Variants in BRCA1 observed in about 807,000 individuals in gnomAD.
BRCA1 encodes BRCA1 DNA repair associated, also known as breast cancer type 1 susceptibility protein.
Under a neutral mutation model 173.7 loss-of-function variants are expected in BRCA1, and 140 were observed. The ratio of observed to expected loss-of-function variants is 0.81; its 90% CI spans 0.70 to 0.93. The LOEUF (loss-of-function observed/expected upper bound fraction) is 0.93. Among genes scored for constraint, BRCA1 ranks in the 40% least tolerant of loss-of-function variants. The pLI, the probability that BRCA1 is intolerant of heterozygous loss-of-function variation, is 0.00. For synonymous variants in BRCA1, 662 were observed against 756.0 expected, an observed-to-expected ratio of 0.88 and a Z score of 2.04; for missense variants, 1,983 against 2,172.5, an observed-to-expected ratio of 0.91 and a Z score of 1.73.
At chr17:43,051,186 T>C (rs924705615) in intron 19 of BRCA1, 69 bp from the exon 20 acceptor site, 103 of 1,421,410 alleles carry the variant, frequency 7.2e-5, no homozygotes, top group Non-Finnish European at 7.9e-6. Flanking sequence ...TAAAAGAATA[T>C]TGGCTTTTAT....
chr17:43,119,899 A>T (rs1408156217), intron 2 of BRCA1, among the ~76,000 whole-genome samples: 1 of 152,252 alleles, frequency 6.6e-6, no homozygotes, highest in East Asian at 1.9e-4. Flanking sequence ...GAAAACTCCG[A>T]TATGTAAAAA....
At chr17:43,100,818 A>G (rs1426251810) in intron 6 of BRCA1, among the ~76,000 whole-genome samples, 7 of 133,044 alleles carry the variant, frequency 5.3e-5, no homozygotes, top group Non-Finnish European at 9.7e-5. Context: ...TGCAACCTCC[A>G]CCTCCCTGGT....
intron 3 of BRCA1, among the ~76,000 whole-genome samples, chr17:43,112,027 GA>G (rs1288713932): frequency 6.6e-6 from 1 of 151,740 alleles, no homozygotes; most frequent in Non-Finnish European, 1.5e-5. Context: ...GTGTTATTCA[GA>G]TTATATTGAT....
intron 14 of BRCA1, 64 bp downstream of exon 14, chr17:43,074,267 A>G: frequency 6.3e-7 from 1 of 1,583,372 alleles, no homozygotes. Context: ...TAACCAGAAT[A>G]TCTTTATGTA....
chr17:43,102,960 T>TC (rs1467594707), intron 6 of BRCA1, among the ~76,000 whole-genome samples: 3 of 151,688 alleles, frequency 2.0e-5, no homozygotes, highest in Non-Finnish European at 4.4e-5. Flanking sequence ...TTTTTTTTTT[T>TC]TTAATTGCAG....
intron 1 of BRCA1, among the ~76,000 whole-genome samples, chr17:43,158,686 T>C (rs988078850): frequency 6.6e-6 from 1 of 152,236 alleles, no homozygotes; most frequent in Admixed American, 6.5e-5. Context: ...CAAATGTTTA[T>C]TGAGTGGCAA....
rs1275137190 is a variant in BRCA1 at position 43,115,512 on chromosome 17, A to G, written c.134+214T>C. On this transcript the variant is annotated intron_variant, in intron 3 of 22. Transcript: ENST00000357654. ...GCGAGACTTTGTCTCAAAAAAAAAAAAAAAGATAATATATGTCAAAACTTT... is the reference window on the plus strand; with the variant it reads ...GCGAGACTTTGTCTCAAAAAAAAAAGAAAAGATAATATATGTCAAAACTTT... Among the ~76,000 whole-genome samples, 3 of 152,084 alleles carry G rather than the reference A, an allele frequency of 2.0e-5. No individual in the cohort carries two copies. The East Asian group carries it at 5.8e-4, about 29-fold the overall frequency.
intron 1 of BRCA1, chr17:43,164,647 C>G (rs2056256072): frequency 6.6e-6 from 1 of 152,060 alleles, no homozygotes; most frequent in Non-Finnish European, 1.5e-5. Context: ...GGGGGTGGCA[C>G]TTTCTTGATT....
intron 20 of BRCA1, among the ~76,000 whole-genome samples, chr17:43,049,524 GAAAAA>G (rs1472497275): frequency 1.3e-5 from 2 of 152,108 alleles, no homozygotes; most frequent in African/African-American, 4.8e-5. Flanking sequence ...GACACTGTGT[GAAAAA>G]ACACCCACCT....
At chr17:43,129,831 G>C (rs1288564818), upstream of BRCA1, among the ~76,000 whole-genome samples, 1 of 152,196 alleles carries the variant, frequency 6.6e-6, no homozygotes, top group East Asian at 1.9e-4. Context: ...TTGGCAGACT[G>C]AGTCAGTCAC....
At chr17:43,169,895 G>T in intron 1 of BRCA1, 1 of 430,036 alleles carries the variant, frequency 2.3e-6, no homozygotes, top group South Asian at 1.8e-5. Flanking sequence ...CCTCTACACT[G>T]CAGATGTGGC....
At chr17:43,050,208 CA>C (rs781525069) in intron 20 of BRCA1, 2 of 397,840 alleles carry the variant, frequency 5.0e-6, no homozygotes, top group Non-Finnish European at 8.9e-6. Context: ...AAGAACAAAC[CA>C]AATTTATACA....
intron 1 of BRCA1, 180 bp downstream of exon 1, chr17:43,125,091 T>C (rs2055810996): frequency 9.0e-6 from 4 of 444,658 alleles, no homozygotes; most frequent in African/African-American, 2.1e-5. Context: ...TCCTCAGCGC[T>C]TCCCTCGCGA....
intron 7 of BRCA1, among the ~76,000 whole-genome samples, chr17:43,099,278 T>C (rs940317023): frequency 8.9e-5 from 13 of 145,916 alleles, no homozygotes; most frequent in African/African-American, 3.0e-4. Flanking sequence ...TTTGCTCTCT[T>C]TTTTTTTTTT....
intron 15 of BRCA1, among the ~76,000 whole-genome samples, chr17:43,070,080 T>C (rs1567773858): frequency 6.6e-6 from 1 of 152,086 alleles, no homozygotes. Flanking sequence ...ATTATAGGCA[T>C]GCGCCACCAC....
intron 1 of BRCA1, among the ~76,000 whole-genome samples, chr17:43,135,508 T>G (rs978550338): frequency 3.9e-5 from 6 of 152,348 alleles, no homozygotes; most frequent in Admixed American, 2.6e-4. Context: ...TATCATGTCA[T>G]AAGCCGGTGG....
intron 8 of BRCA1, among the ~76,000 whole-genome samples, chr17:43,096,660 A>G (rs1421501761): frequency 6.6e-6 from 1 of 152,094 alleles, no homozygotes; most frequent in Non-Finnish European, 1.5e-5. Flanking sequence ...TTATTATATA[A>G]CATACAGACA....
intron 2 of BRCA1, among the ~76,000 whole-genome samples, chr17:43,120,897 T>G (rs918374026): frequency 6.6e-6 from 1 of 150,648 alleles, no homozygotes; most frequent in African/African-American, 2.5e-5. Flanking sequence ...AAACCCTATC[T>G]CTACTAAAAA....
chr17:43,090,057 AAAAG>A (rs796452764), intron 11 of BRCA1, among the ~76,000 whole-genome samples: 30 of 135,226 alleles, frequency 2.2e-4, no homozygotes, highest in African/African-American at 5.4e-4. Flanking sequence ...GGGAAAAAAA[AAAAG>A]AAGAAGAGAA....
Sources: gnomAD v4.1 joint callset for allele counts (sites outside exome capture counted in the v4.1 genomes callset) on GRCh38, gnomAD v4.1.1 for gene constraint, MANE v1.5 for transcripts, NCBI Gene and HGNC (gene_info 2026-07-23, HGNC 2026-07-21) for gene names.